Variants in RBFOX1 observed in about 807,000 individuals in gnomAD.
The protein encoded by RBFOX1 is RNA binding fox-1 homolog 1, also known as RNA binding protein fox-1 homolog 1.
Under a neutral mutation model 57.7 loss-of-function variants are expected in RBFOX1, and 8 were observed. The observed-to-expected ratio is 0.14, with a 90% CI of 0.08 to 0.25. The LOEUF (loss-of-function observed/expected upper bound fraction) is 0.25. Ranked by LOEUF, RBFOX1 falls within the 10% of genes least tolerant of loss-of-function variation. The probability of loss-of-function intolerance (pLI) is 1.00; values close to 1 mark genes in which losing one functional copy is unlikely to be tolerated. For synonymous variants in RBFOX1, 326 were observed against 222.4 expected (o/e 1.47, Z -4.15); for missense variants, 611 against 548.5 (o/e 1.11, Z -1.14).
chr16:5,421,437 G>A (rs1223041964), intron 1 of RBFOX1, among the ~76,000 whole-genome samples: 1 of 152,288 alleles, frequency 6.6e-6, no homozygotes, highest in Non-Finnish European at 1.5e-5. Flanking sequence ...CTTGGCCTTG[G>A]GGGTGTCCAC....
chr16:5,855,351 T>A (rs1365883573), intron 3 of RBFOX1, among the ~76,000 whole-genome samples: 3 of 152,236 alleles, frequency 2.0e-5, no homozygotes, highest in Admixed American at 6.5e-5. Flanking sequence ...AACCTTACGG[T>A]TCAAGTCTTA....
intron 1 of RBFOX1, among the ~76,000 whole-genome samples, chr16:5,456,212 A>T (rs2068627441): frequency 2.0e-5 from 3 of 152,194 alleles, no homozygotes; most frequent in Non-Finnish European, 4.4e-5. Flanking sequence ...AAAATGTTGA[A>T]ATGTCATTTC....
chr16:6,899,889 G>C (rs932034574), intron 3 of RBFOX1, among the ~76,000 whole-genome samples: 5 of 152,152 alleles, frequency 3.3e-5, no homozygotes, highest in African/African-American at 1.2e-4. Flanking sequence ...AGTTAACAAT[G>C]AGAGAGATTT....
chr16:6,881,538 T>A (rs1423303936), intron 3 of RBFOX1, among the ~76,000 whole-genome samples: 1 of 152,152 alleles, frequency 6.6e-6, no homozygotes, highest in Non-Finnish European at 1.5e-5. Context: ...TATGCATGTC[T>A]GTGTCCAAAC....
At chr16:6,917,888 C>G (rs995895718) in intron 3 of RBFOX1, among the ~76,000 whole-genome samples, 3 of 152,100 alleles carry the variant, frequency 2.0e-5, no homozygotes, top group African/African-American at 7.2e-5. Flanking sequence ...TGACACAAGT[C>G]GAAAGAGGGA....
At chr16:6,697,807 C>T (rs2061275150) in intron 3 of RBFOX1, among the ~76,000 whole-genome samples, 1 of 152,162 alleles carries the variant, frequency 6.6e-6, no homozygotes, top group Non-Finnish European at 1.5e-5. Context: ...ATTGGAAGTC[C>T]ATATCTCTAC....
chr16:7,465,970 G>A (rs1184585944), intron 4 of RBFOX1, among the ~76,000 whole-genome samples: 3 of 152,322 alleles, frequency 2.0e-5, no homozygotes, highest in East Asian at 3.9e-4. Flanking sequence ...ACTGGAAGCA[G>A]ACATCTCTCT....
chr16:7,019,831 C>G lies in RBFOX1; in HGVS notation c.-15-32226C>G, dbSNP rs181839726. Among the ~76,000 whole-genome samples, 25 of 152,334 alleles carry G rather than the reference C, an allele frequency of 1.6e-4. No individual in the cohort carries two copies. The East Asian group carries it at 1.7e-3, about 11-fold the overall frequency. On this transcript the variant is annotated intron_variant, in intron 3 of 15. Coordinates refer to ENST00000550418, the MANE Select transcript of RBFOX1 (RefSeq NM_018723.4). Reference sequence around the variant, plus strand: ...ATTAATCCTGAACATATGATTCTCTCTAGCTGTTCCACACCTCCCAATCTG... The same window carrying G: ...ATTAATCCTGAACATATGATTCTCTGTAGCTGTTCCACACCTCCCAATCTG...
chr16:5,847,841 G>C (rs1199215899), intron 3 of RBFOX1, among the ~76,000 whole-genome samples: 1 of 152,066 alleles, frequency 6.6e-6, no homozygotes, highest in East Asian at 1.9e-4. Context: ...CCCATGCTCT[G>C]TTCAGAATCA....
At chr16:7,672,960 A>T (rs2072044470) in intron 13 of RBFOX1, among the ~76,000 whole-genome samples, 1 of 151,468 alleles carries the variant, frequency 6.6e-6, no homozygotes, top group Non-Finnish European at 1.5e-5. Flanking sequence ...ATAGTAAATA[A>T]GATTTAAGTT....
rs140268414 is a variant in RBFOX1, at chr16:6,946,289, G to A, written c.-15-105768G>A. On this transcript the variant is annotated intron_variant, in intron 3 of 15. Coordinates refer to ENST00000550418, the MANE Select transcript of RBFOX1 (RefSeq NM_018723.4). Reference sequence around the variant, plus strand: ...ACAATAGCCATAGACAATAACATATGGGTGTGGCTGTGTTCCAATAAAACT... The same window carrying A: ...ACAATAGCCATAGACAATAACATATAGGTGTGGCTGTGTTCCAATAAAACT... Among the ~76,000 whole-genome samples, 489 of 152,324 alleles carry A rather than the reference G, an allele frequency of 3.2e-3. 5 individuals are homozygous for A. The highest frequency in any genetic ancestry group is 0.011 in the African/African-American group (470 of 41,578).
chr16:5,742,208 C>T (rs2052792611), intron 3 of RBFOX1, among the ~76,000 whole-genome samples: 1 of 144,184 alleles, frequency 6.9e-6, no homozygotes, highest in Non-Finnish European at 1.5e-5. Flanking sequence ...CCAGTCCTTC[C>T]TCCTTTCCTT....
chr16:5,566,324 A>C (rs971513612), intron 2 of RBFOX1, among the ~76,000 whole-genome samples: 4 of 152,136 alleles, frequency 2.6e-5, no homozygotes, highest in African/African-American at 9.7e-5. Context: ...CACTGTCGGA[A>C]GATAGACCGT....
intron 2 of RBFOX1, among the ~76,000 whole-genome samples, chr16:6,600,971 A>G (rs940180319): frequency 6.6e-6 from 1 of 152,212 alleles, no homozygotes; most frequent in Non-Finnish European, 1.5e-5. Context: ...TAGCCTCTTA[A>G]ATGTGATTAT....
At chr16:7,527,428 A>G (rs1433219507) in intron 5 of RBFOX1, among the ~76,000 whole-genome samples, 1 of 152,180 alleles carries the variant, frequency 6.6e-6, no homozygotes, top group Non-Finnish European at 1.5e-5. Context: ...GGAACAGGAT[A>G]TCTCTGAGCA....
At chr16:6,164,298 T>C (rs2096900139) in intron 1 of RBFOX1, among the ~76,000 whole-genome samples, 2 of 152,148 alleles carry the variant, frequency 1.3e-5, no homozygotes, top group African/African-American at 2.4e-5. Flanking sequence ...AGCCTGATAA[T>C]ACTATAAATA....
intron 3 of RBFOX1, among the ~76,000 whole-genome samples, chr16:7,035,933 C>G (rs574836832): frequency 2.6e-5 from 4 of 152,262 alleles, no homozygotes. Context: ...CACCACCCAG[C>G]CAACCCTTTC....
chr16:5,279,259 A>G (rs1189514635), intron 1 of RBFOX1, among the ~76,000 whole-genome samples: 4 of 152,008 alleles, frequency 2.6e-5, no homozygotes, highest in Admixed American at 2.0e-4. Context: ...AATTTATTTT[A>G]TCAGTGTTTT....
intron 4 of RBFOX1, among the ~76,000 whole-genome samples, chr16:7,364,904 A>C (rs565622460): frequency 6.6e-6 from 1 of 152,368 alleles, no homozygotes; most frequent in African/African-American, 2.4e-5. Context: ...AGGAAGGTGT[A>C]ATGGATACTA....
Sources: gnomAD v4.1 joint callset for allele counts (sites outside exome capture counted in the v4.1 genomes callset) on GRCh38, gnomAD v4.1.1 for gene constraint, MANE v1.5 for transcripts, NCBI Gene and HGNC (gene_info 2026-07-23, HGNC 2026-07-21) for gene names.